EEPD1: variants seen among roughly 807,000 people sequenced by gnomAD.
The protein encoded by EEPD1 is endonuclease/exonuclease/phosphatase family domain containing 1.
In EEPD1, 17 loss-of-function variants were observed where a neutral mutation model predicts 46.3. That is an observed-to-expected ratio of 0.37 (90% CI 0.25 to 0.55). The LOEUF is 0.55. EEPD1 is among the 20% of genes least tolerant of loss of function. EEPD1 has a pLI of 0.83. For missense variants in EEPD1, 673 were observed against 745.6 expected (o/e 0.90, Z 1.13); for synonymous variants, 313 against 315.6 (o/e 0.99, Z 0.09).
At chr7:36,273,554 C>T (rs1787142672) in intron 3 of EEPD1, among the ~76,000 whole-genome samples, 1 of 152,094 alleles carries the variant, frequency 6.6e-6, no homozygotes, top group South Asian at 2.1e-4. Flanking sequence ...TTAGGTGGAG[C>T]TCACATGGCA....
intron 2 of EEPD1, among the ~76,000 whole-genome samples, chr7:36,208,832 G>A (rs2110812): frequency 0.2 from 31,154 of 152,138 alleles, 3,630 homozygotes; most frequent in East Asian, 0.31. Context: ...CAGCATCTGC[G>A]TCACCTGGGA....
Position 36,208,959 on chromosome 7 carries a change from GCTT to G in EEPD1, c.879-30025_879-30023del, listed in dbSNP as rs569691746. Among the ~76,000 whole-genome samples the G allele has an allele frequency of 5.2e-4, 79 of 152,318 alleles. 1 individual carries two copies. Among genetic ancestry groups the G allele is most frequent in the East Asian group, 2.3e-3 (12 of 5,176 alleles). ...CTGGGTGATCCCCGTGCACGCTAAA[GCTT>G]GGGAACCTCTCCTGGAGAGGTAGAG... On this transcript the variant is annotated intron_variant, in intron 2 of 7. Transcript: ENST00000242108.
At chr7:36,163,009 G>A (rs549651683) in intron 2 of EEPD1, among the ~76,000 whole-genome samples, 7 of 152,088 alleles carry the variant, frequency 4.6e-5, no homozygotes, top group African/African-American at 1.7e-4. Flanking sequence ...GTCTCAGGTG[G>A]GTTGTTGTTT....
chr7:36,285,585 G>A (rs1453728755), intron 5 of EEPD1, among the ~76,000 whole-genome samples: 1 of 152,194 alleles, frequency 6.6e-6, no homozygotes, highest in Non-Finnish European at 1.5e-5. Flanking sequence ...AGCCAAAGCA[G>A]GTCATGAAGT....
chr7:36,269,921 A>AT (rs1394306267), intron 3 of EEPD1, among the ~76,000 whole-genome samples: 2 of 152,196 alleles, frequency 1.3e-5, no homozygotes, highest in Non-Finnish European at 2.9e-5. Flanking sequence ...TGATTTTAGG[A>AT]TGTTTCATAG....
At position 36,153,383 on chromosome 7, in the gene EEPD1, C is replaced by G. The variant is rs930668916; in HGVS notation, c.-484C>G. 6.6e-6 allele frequency: 1 copy of G among 152,204 alleles called. No homozygotes were observed. Among genetic ancestry groups the G allele is most frequent in the African/African-American group, 2.4e-5 (1 of 41,458 alleles). 9.4% of individuals were successfully genotyped at this position (152,204 alleles called of 1,614,324 possible). A position where few individuals can be genotyped will look rare whatever the true frequency, so the allele number is the denominator to read the frequency against. Reference sequence around the variant, plus strand: ...CGGGGTAAACGCAACTGCGGCGGCGCCGCCGCAAGCCCCGGTGCAGCCTCG... The same window carrying G: ...CGGGGTAAACGCAACTGCGGCGGCGGCGCCGCAAGCCCCGGTGCAGCCTCG... On this transcript the variant is annotated 5_prime_UTR_variant, in exon 1 of 8. Transcript: ENST00000242108.
chr7:36,177,059 A>G (rs13225662), intron 2 of EEPD1, among the ~76,000 whole-genome samples: 19,313 of 152,146 alleles, frequency 0.13, 1,672 homozygotes, highest in Admixed American at 0.19. Flanking sequence ...CACAAGGAAA[A>G]TGTTTTGGGA....
In EEPD1 at chr7:36,154,870, T is replaced by C; in HGVS notation, c.546T>C (p.Gly182=). Residue 182 remains glycine (G), a synonymous_variant, in exon 2 of 8, where the codon GGT becomes GGC. Transcript: ENST00000242108. This position sits in a 1 kb window ranked among gnomAD's most constrained non-coding sequence, Gnocchi z 4.2. ...RSVEDLVRMD[G]INAAFLDRIR... Reference sequence around the variant, plus strand: ...TTGAGGACCTAGTGAGGATGGATGGTATCAATGCCGCCTTCCTGGACAGGA... The same window carrying C: ...TTGAGGACCTAGTGAGGATGGATGGCATCAATGCCGCCTTCCTGGACAGGA... The C allele has an allele frequency of 6.2e-7, 1 of 1,614,140 alleles. No homozygotes were observed. Among genetic ancestry groups the C allele is most frequent in the South Asian group, 1.1e-5 (1 of 91,074 alleles).
At chr7:36,259,183 A>G (rs577004163) in intron 3 of EEPD1, among the ~76,000 whole-genome samples, 20 of 152,190 alleles carry the variant, frequency 1.3e-4, no homozygotes, top group African/African-American at 4.6e-4. Context: ...CCCACTGTCT[A>G]ACCAGTCTCA....
intron 2 of EEPD1, among the ~76,000 whole-genome samples, chr7:36,187,613 T>C (rs1785382778): frequency 3.3e-5 from 5 of 152,366 alleles, no homozygotes; most frequent in Middle Eastern, 6.8e-3. Flanking sequence ...TATTTCATTG[T>C]ATGTATACCC....
intron 2 of EEPD1, among the ~76,000 whole-genome samples, chr7:36,215,233 C>T (rs537330076): frequency 5.9e-4 from 90 of 152,320 alleles, no homozygotes; most frequent in African/African-American, 1.9e-3. Flanking sequence ...CTCTGCACCC[C>T]GCAGCGCTGC....
At chr7:36,157,924 T>G (rs1260073770) in intron 2 of EEPD1, among the ~76,000 whole-genome samples, 1 of 152,150 alleles carries the variant, frequency 6.6e-6, no homozygotes, top group Non-Finnish European at 1.5e-5. Flanking sequence ...GTTCCCGTAT[T>G]AGTAAGAGGA....
intron 3 of EEPD1, among the ~76,000 whole-genome samples, chr7:36,276,657 G>A (rs1410272485): frequency 1.3e-5 from 2 of 152,226 alleles, no homozygotes; most frequent in Non-Finnish European, 2.9e-5. Context: ...TTAAAACTAG[G>A]AGTGCTAAAT....
Position 36,296,973 on chromosome 7 carries a change from T to C in EEPD1, c.1316-20T>C. The C allele has an allele frequency of 6.2e-7, 1 of 1,612,418 alleles. No individual in the cohort carries two copies. Among genetic ancestry groups the C allele is most frequent in the Non-Finnish European group, 8.5e-7 (1 of 1,178,760 alleles). ...ACTTCCCAACAACTCTTAAACTCAT[T>C]TTCTTCCTTCCACTTCCAGGAGAAA... On this transcript the variant is annotated intron_variant, in intron 6 of 7. Coordinates refer to ENST00000242108, the MANE Select transcript of EEPD1 (RefSeq NM_030636.3).
At chr7:36,268,887 C>T (rs1787062987) in intron 3 of EEPD1, among the ~76,000 whole-genome samples, 1 of 152,186 alleles carries the variant, frequency 6.6e-6, no homozygotes, top group Admixed American at 6.5e-5. Context: ...TGCCCAAAGT[C>T]AAAACTCTTG....
At chr7:36,233,914 T>TTTTG (rs996180573) in intron 2 of EEPD1, among the ~76,000 whole-genome samples, 2 of 152,216 alleles carry the variant, frequency 1.3e-5, no homozygotes, top group South Asian at 2.1e-4. Flanking sequence ...GTTTTTTGTT[T>TTTTG]TTTGTTTGTT....
At chr7:36,282,242 A>G (rs956951697) in intron 4 of EEPD1, among the ~76,000 whole-genome samples, 2 of 152,144 alleles carry the variant, frequency 1.3e-5, no homozygotes, top group Non-Finnish European at 1.5e-5. Context: ...TCCTTTTTTG[A>G]TCGCACTTTA....
At chr7:36,213,544 G>T (rs1452926579) in intron 2 of EEPD1, among the ~76,000 whole-genome samples, 1 of 152,184 alleles carries the variant, frequency 6.6e-6, no homozygotes, top group African/African-American at 2.4e-5. Context: ...GGGAGAAAAC[G>T]TGATTGCCCA....
chr7:36,210,906 G>T (rs183478558), intron 2 of EEPD1, among the ~76,000 whole-genome samples: 171 of 152,178 alleles, frequency 1.1e-3, no homozygotes, highest in Non-Finnish European at 1.5e-3. Context: ...TAGTGTGGTG[G>T]CTCAGAGCAT....
Sources: gnomAD v4.1 joint callset for allele counts (sites outside exome capture counted in the v4.1 genomes callset) on GRCh38, gnomAD v4.1.1 for gene constraint, Gnocchi (gnomAD v3.1) non-coding constraint, MANE v1.5 for transcripts, NCBI Gene and HGNC (gene_info 2026-07-23, HGNC 2026-07-21) for gene names.